The following AK3 variants were observed in gnomAD, a reference collection of about 807,000 sequenced individuals.
The protein encoded by AK3 is adenylate kinase 3.
Under a neutral mutation model 23.7 loss-of-function variants are expected in AK3, and 27 were observed. That is an observed-to-expected ratio of 1.14 (90% CI 0.84 to 1.57). The LOEUF (loss-of-function observed/expected upper bound fraction) is 1.57, where lower values mean the gene tolerates loss of function less well. Among genes scored for constraint, AK3 ranks in the 40% most tolerant of loss-of-function variants. The pLI is 0.00. For missense variants in AK3, 406 were observed against 285.6 expected, an observed-to-expected ratio of 1.42 and a Z score of -3.04; for synonymous variants, 159 against 116.0, an observed-to-expected ratio of 1.37 and a Z score of -2.38.
At chr9:4,740,481 A>AGCTTAACC (rs1842402463) in intron 1 of AK3, among the ~76,000 whole-genome samples, 1 of 152,220 alleles carries the variant, frequency 6.6e-6, no homozygotes, top group Non-Finnish European at 1.5e-5. Flanking sequence ...GATCTCATAG[A>AGCTTAACC]GCTTAACCAC....
At chr9:4,728,024 A>C (rs6476902) in intron 1 of AK3, among the ~76,000 whole-genome samples, 1 of 151,994 alleles carries the variant, frequency 6.6e-6, no homozygotes, top group South Asian at 2.1e-4. Context: ...GGTATAGTTC[A>C]TGGCACCCCA....
chr9:4,742,036 G>A (rs973074509), upstream of AK3: 1 of 152,282 alleles, frequency 6.6e-6, no homozygotes, highest in African/African-American at 2.4e-5. Flanking sequence ...TAACGTAAAA[G>A]AGTGTGTGAA....
intron 4 of AK3, among the ~76,000 whole-genome samples, chr9:4,714,169 C>CT (rs1841654199): frequency 3.5e-5 from 2 of 56,988 alleles, no homozygotes; most frequent in African/African-American, 1.2e-4. Context: ...CACACACCTC[C>CT]ACACATACGC....
upstream of AK3, chr9:4,741,254 G>A (rs896201489): frequency 1.4e-4 from 95 of 660,560 alleles, no homozygotes; most frequent in Non-Finnish European, 2.1e-4. Context: ...GGGCCGCCCA[G>A]ACAGCGCGGG....
chr9:4,719,854 T>A (rs1474925572), intron 2 of AK3, among the ~76,000 whole-genome samples: 1 of 152,018 alleles, frequency 6.6e-6, no homozygotes, highest in African/African-American at 2.4e-5. Flanking sequence ...TCACCTGAGC[T>A]CAGGAGTTCA....
chr9:4,722,636 G>A lies in AK3; in HGVS notation c.152-11C>T, dbSNP rs1170898219. 1.9e-6 allele frequency: 3 copies of A among 1,613,818 alleles called. No individual in the cohort carries two copies. Among genetic ancestry groups the A allele is most frequent in the East Asian group, 2.2e-5 (1 of 44,894 alleles). On this transcript the variant is annotated splice_polypyrimidine_tract_variant and intron_variant, in intron 1 of 4. Transcript: ENST00000381809. The stretch of plus-strand genomic sequence containing the variant: ...CTAACACGCCAATTTCTACAGCAAA[G>A]CGGGGAAAAAAATCAGTAAGTGCAT...
At chr9:4,719,111 G>A in intron 3 of AK3, 24 bp downstream of exon 3, 1 of 1,611,410 alleles carries the variant, frequency 6.2e-7, no homozygotes, top group African/African-American at 1.3e-5. Context: ...TCTGCTATGT[G>A]ACAGTTCCAC....
intron 1 of AK3, among the ~76,000 whole-genome samples, chr9:4,727,297 T>G (rs1236366793): frequency 1.3e-5 from 2 of 152,244 alleles, no homozygotes; most frequent in African/African-American, 4.8e-5. Flanking sequence ...ATGGAAGTCC[T>G]AGATGGCATC....
intron 1 of AK3, among the ~76,000 whole-genome samples, chr9:4,724,847 A>AT (rs557815626): frequency 1.2e-3 from 186 of 152,152 alleles, no homozygotes; most frequent in African/African-American, 4.3e-3. Flanking sequence ...TAGTAAACTG[A>AT]TTTTTAATAG....
At position 4,730,713 on chromosome 9, in the gene AK3, TTA is replaced by T. The variant is rs1422910304; in HGVS notation, c.152-8090_152-8089del. ...TGTTTTTCATTTATCATGAACTTTT[TTA>T]TGTTTGTATGATTTAATTAGAACAA... is the stretch of plus-strand genomic sequence containing the variant. On this transcript the variant is annotated intron_variant, in intron 1 of 4. Transcript: ENST00000381809. Among the ~76,000 whole-genome samples the T allele has an allele frequency of 3.9e-5, 6 of 152,220 alleles. No individual in the cohort carries two copies. The South Asian group carries it at 6.2e-4, about 16-fold the overall frequency.
rs954841369 is a variant in AK3, at chr9:4,711,719, C to T, written c.*1257G>A. 2 of 152,262 alleles carry T rather than the reference C, an allele frequency of 1.3e-5. No individual in the cohort carries two copies. Among genetic ancestry groups the T allele is most frequent in the East Asian group, 3.9e-4 (2 of 5,188 alleles). 9.4% of individuals were successfully genotyped at this position (152,262 alleles called of 1,614,324 possible). A position where few individuals can be genotyped will look rare whatever the true frequency, so the allele number is the denominator to read the frequency against. On this transcript the variant is annotated 3_prime_UTR_variant, in exon 5 of 5. Transcript: ENST00000381809. ...CATCTCTCATATTTCCCCACTTCTACCAGACCACACAGTACATCAGCAACC... is the reference window on the plus strand; with the variant it reads ...CATCTCTCATATTTCCCCACTTCTATCAGACCACACAGTACATCAGCAACC...
At chr9:4,736,080 A>C (rs1368776211) in intron 1 of AK3, among the ~76,000 whole-genome samples, 1 of 146,702 alleles carries the variant, frequency 6.8e-6, no homozygotes, top group Non-Finnish European at 1.5e-5. Flanking sequence ...GTGCCACTGC[A>C]CTCCAGCCTA....
At chr9:4,713,718 G>C (rs1036693956) in intron 4 of AK3, among the ~76,000 whole-genome samples, 13 of 152,122 alleles carry the variant, frequency 8.5e-5, no homozygotes, top group Non-Finnish European at 1.6e-4. Flanking sequence ...TTCCCAGGCA[G>C]ATTTGTCTAG....
intron 2 of AK3, among the ~76,000 whole-genome samples, chr9:4,721,713 C>T (rs1195272796): frequency 6.6e-6 from 1 of 152,170 alleles, no homozygotes; most frequent in Non-Finnish European, 1.5e-5. Flanking sequence ...CCCACCTTGG[C>T]CTCCCAAAGT....
intron 1 of AK3, among the ~76,000 whole-genome samples, chr9:4,725,914 G>A (rs1422689473): frequency 6.6e-6 from 1 of 151,710 alleles, no homozygotes; most frequent in African/African-American, 2.4e-5. Context: ...GACACATACA[G>A]GCCTACCCTG....
chr9:4,712,536 C>A lies in AK3; in HGVS notation c.*440G>T, dbSNP rs746776253. 1 of 152,862 alleles carries A rather than the reference C, an allele frequency of 6.5e-6. No individual in the cohort carries two copies. Among genetic ancestry groups the A allele is most frequent in the Non-Finnish European group, 1.5e-5 (1 of 68,530 alleles). The allele number at this position is 152,862 out of a possible 1,614,324, so 9.5% of individuals were successfully genotyped here. ...ATTTTATATAGTGTCTCACCATGTT[C>A]CACAATGCTGGAAATGTCTTTTTTG... On this transcript the variant is annotated 3_prime_UTR_variant, in exon 5 of 5. Coordinates refer to ENST00000381809, the MANE Select transcript of AK3 (RefSeq NM_016282.4).
Position 4,722,913 on chromosome 9 carries a change from G to A in AK3, c.152-288C>T, listed in dbSNP as rs532566674. Reference sequence around the variant, plus strand: ...CTCTACAGAAATAAAAAAATTAGCCGGACATGATGGCGGGTGCCTGTAATC... The same window carrying A: ...CTCTACAGAAATAAAAAAATTAGCCAGACATGATGGCGGGTGCCTGTAATC... On this transcript the variant is annotated intron_variant, in intron 1 of 4. Transcript: ENST00000381809. Among the ~76,000 whole-genome samples, 148 of 152,148 alleles carry A rather than the reference G, an allele frequency of 9.7e-4. 1 individual carries two copies. Among genetic ancestry groups the A allele is most frequent in the Non-Finnish European group, 1.6e-3 (110 of 68,002 alleles).
rs779967886 is a variant in AK3 at position 4,741,081 on chromosome 9, C to T, written c.7G>A (p.Ala3Thr). The change falls in exon 1 of 5, where the codon GCG becomes ACG. Residue 3 changes from alanine to threonine, a missense_variant. Coordinates refer to ENST00000381809, the MANE Select transcript of AK3 (RefSeq NM_016282.4). ...ACCGCTCGCAGCAGCCGCGCGGACGCCCCCATGGCCGCAGACTGAGGCCCG... is the reference window on the plus strand; with the variant it reads ...ACCGCTCGCAGCAGCCGCGCGGACGTCCCCATGGCCGCAGACTGAGGCCCG... MG[A>T]SARLLRAVIM... The T allele has an allele frequency of 9.7e-6, 15 of 1,539,194 alleles. No homozygotes were observed. Among genetic ancestry groups the T allele is most frequent in the African/African-American group, 1.4e-5 (1 of 70,430 alleles).
chr9:4,720,871 G>T (rs940187657), intron 2 of AK3, among the ~76,000 whole-genome samples: 1 of 152,120 alleles, frequency 6.6e-6, no homozygotes, highest in African/African-American at 2.4e-5. Context: ...AGGAAACCTG[G>T]ATTCGGGAGA....
Sources: gnomAD v4.1 joint callset for allele counts (sites outside exome capture counted in the v4.1 genomes callset) on GRCh38, gnomAD v4.1.1 for gene constraint, MANE v1.5 for transcripts, NCBI Gene and HGNC (gene_info 2026-07-23, HGNC 2026-07-21) for gene names.